The following EDIL3 variants were observed in gnomAD, a reference collection of about 807,000 sequenced individuals.
EDIL3 encodes the protein EGF like and discoidin domains 3.
EDIL3 carries 37 observed loss-of-function variants against 67.4 expected under a neutral mutation model. The ratio of observed to expected loss-of-function variants is 0.55; its 90% CI spans 0.42 to 0.72. EDIL3 has a LOEUF of 0.72. EDIL3 is among the 30% of genes least tolerant of loss of function. The probability of loss-of-function intolerance (pLI) is 0.00; values close to 1 mark genes in which losing one functional copy is unlikely to be tolerated. For missense variants in EDIL3, 527 were observed against 586.3 expected (o/e 0.90, Z 1.04); for synonymous variants, 195 against 196.3 (o/e 0.99, Z 0.05).
intron 9 of EDIL3, chr5:84,047,745 A>G (rs1209275791): frequency 6.6e-6 from 1 of 152,072 alleles, no homozygotes; most frequent in African/African-American, 2.4e-5. Context: ...GTCTCAGAGT[A>G]TTGATATAAT....
At chr5:84,292,587 A>T (rs1057327762) in intron 1 of EDIL3, among the ~76,000 whole-genome samples, 2 of 152,210 alleles carry the variant, frequency 1.3e-5, no homozygotes, top group Non-Finnish European at 2.9e-5. Context: ...AATGTTTGAA[A>T]ATAAAAAGTG....
chr5:84,128,971 A>G (rs1747915149), intron 5 of EDIL3, among the ~76,000 whole-genome samples: 1 of 152,190 alleles, frequency 6.6e-6, no homozygotes, highest in South Asian at 2.1e-4. Context: ...TAATGAGAAT[A>G]CGACTCCATT....
intron 9 of EDIL3, among the ~76,000 whole-genome samples, chr5:84,012,697 A>G (rs955570059): frequency 1.3e-5 from 2 of 152,124 alleles, no homozygotes; most frequent in Non-Finnish European, 2.9e-5. Flanking sequence ...TTCCATTTTT[A>G]ACTGTAAACA....
intron 5 of EDIL3, among the ~76,000 whole-genome samples, chr5:84,123,951 T>G (rs1747820084): frequency 6.6e-6 from 1 of 152,000 alleles, no homozygotes. Context: ...TTGGATTAAA[T>G]GTATCCAGTT....
intron 5 of EDIL3, among the ~76,000 whole-genome samples, chr5:84,109,157 A>G (rs1267933566): frequency 6.6e-6 from 1 of 152,198 alleles, no homozygotes; most frequent in African/African-American, 2.4e-5. Context: ...TCACTCTGCC[A>G]TAAGGTTCCA....
chr5:83,982,715 C>A (rs912542792), intron 9 of EDIL3, among the ~76,000 whole-genome samples: 2 of 152,132 alleles, frequency 1.3e-5, no homozygotes, highest in African/African-American at 2.4e-5. Flanking sequence ...TAAGTATTCA[C>A]ATGATTTATC....
At chr5:83,982,553 T>C (rs183134078) in intron 9 of EDIL3, among the ~76,000 whole-genome samples, 68 of 152,272 alleles carry the variant, frequency 4.5e-4, no homozygotes, top group African/African-American at 1.4e-3. Flanking sequence ...TTTAAGGGCA[T>C]AGCATGAGGA....
chr5:83,965,812 C>G (rs1188885496), intron 9 of EDIL3, among the ~76,000 whole-genome samples: 1 of 151,924 alleles, frequency 6.6e-6, no homozygotes, highest in Non-Finnish European at 1.5e-5. Flanking sequence ...TCCAGTTAAG[C>G]CACCTTCTCC....
chr5:84,381,980 G>A (rs1748085762), intron 1 of EDIL3, among the ~76,000 whole-genome samples: 1 of 152,190 alleles, frequency 6.6e-6, no homozygotes, highest in Non-Finnish European at 1.5e-5. Context: ...GGGGCGGGAA[G>A]GAGTGCAAGG....
intron 1 of EDIL3, among the ~76,000 whole-genome samples, chr5:84,279,753 T>G (rs1278558351): frequency 1.3e-5 from 2 of 152,172 alleles, no homozygotes; most frequent in African/African-American, 4.8e-5. Flanking sequence ...GATAAGATAT[T>G]TCTTCCGCCC....
chr5:84,048,273 C>T, intron 9 of EDIL3: 1 of 440,920 alleles, frequency 2.3e-6, no homozygotes, highest in South Asian at 1.6e-5. Context: ...TTTAGTTCTC[C>T]TGTAAATAAA....
chr5:83,982,856 A>T (rs1450536210), intron 9 of EDIL3, among the ~76,000 whole-genome samples: 1 of 152,156 alleles, frequency 6.6e-6, no homozygotes, highest in African/African-American at 2.4e-5. Flanking sequence ...TATCTGATGC[A>T]TGTTTGGCCA....
At chr5:84,237,774 T>TA (rs1203499021) in intron 2 of EDIL3, among the ~76,000 whole-genome samples, 1 of 152,084 alleles carries the variant, frequency 6.6e-6, no homozygotes, top group Non-Finnish European at 1.5e-5. Context: ...GCCTATTTTT[T>TA]AAAAAAAGGA....
chr5:84,213,386 C>A (rs550663589), intron 3 of EDIL3, among the ~76,000 whole-genome samples: 5 of 152,256 alleles, frequency 3.3e-5, no homozygotes, highest in African/African-American at 9.6e-5. Flanking sequence ...CACACTTAAA[C>A]ACTAAATTAT....
At chr5:84,133,240 T>C (rs1748025286) in intron 5 of EDIL3, among the ~76,000 whole-genome samples, 1 of 152,100 alleles carries the variant, frequency 6.6e-6, no homozygotes, top group African/African-American at 2.4e-5. Flanking sequence ...TATCTGTTCT[T>C]ATGAGAATAG....
chr5:84,358,668 A>G (rs369313074), intron 1 of EDIL3, among the ~76,000 whole-genome samples: 1 of 143,340 alleles, frequency 7.0e-6, no homozygotes, highest in African/African-American at 2.7e-5. Context: ...CAGTGGCACA[A>G]TCTCGGCTCA....
intron 1 of EDIL3, among the ~76,000 whole-genome samples, chr5:84,358,053 C>A (rs1747523564): frequency 6.6e-6 from 1 of 152,032 alleles, no homozygotes; most frequent in Non-Finnish European, 1.5e-5. Context: ...AAACTCAGAC[C>A]AATTACAAGA....
At chr5:84,174,604 T>C (rs144125866) in intron 4 of EDIL3, among the ~76,000 whole-genome samples, 236 of 152,134 alleles carry the variant, frequency 1.6e-3, no homozygotes, top group African/African-American at 5.1e-3. Flanking sequence ...GGGTCCAAGG[T>C]TCAAGCGTTT....
Position 84,066,597 on chromosome 5 carries a change from G to A in EDIL3, c.661C>T (p.Gln221Ter). Residue 221 changes from glutamine to a stop codon, truncating the protein, a stop_gained, in exon 7 of 11, where the codon CAA becomes TAA. Transcript: ENST00000296591. LOFTEE classifies it high-confidence loss of function. ...ACACCAGTAACTCTCATTTTCCTTTGCAAATTTATCTGAAAAGACGAGCAC... is the reference window on the plus strand; with the variant it reads ...ACACCAGTAACTCTCATTTTCCTTTACAAATTTATCTGAAAAGACGAGCAC... ...DRWPWIQINL[Q>*]RKMRVTGVIT... 2.5e-6 allele frequency: 4 copies of A among 1,611,214 alleles called. No homozygotes were observed. Among genetic ancestry groups the A allele is most frequent in the South Asian group, 1.1e-5 (1 of 90,138 alleles).
Sources: gnomAD v4.1 joint callset for allele counts (sites outside exome capture counted in the v4.1 genomes callset) on GRCh38, gnomAD v4.1.1 for gene constraint, MANE v1.5 for transcripts, NCBI Gene and HGNC (gene_info 2026-07-23, HGNC 2026-07-21) for gene names.